Variants in SYNE2 observed in about 807,000 individuals in gnomAD.
SYNE2 encodes nesprin-2.
A neutral mutation model predicts 856.3 loss-of-function variants in SYNE2; 431 were observed. The ratio of observed to expected loss-of-function variants is 0.50; its 90% CI spans 0.47 to 0.55. The LOEUF is 0.55. Ranked by LOEUF, SYNE2 falls within the 20% of genes least tolerant of loss-of-function variation. The pLI is 0.00. For synonymous variants in SYNE2, 2,923 were observed against 2,872.3 expected (o/e 1.02, Z -0.56); for missense variants, 8,129 against 8,023.2 (o/e 1.01, Z -0.50).
intron 90 of SYNE2, among the ~76,000 whole-genome samples, chr14:64,165,651 T>C (rs1418254767): frequency 6.6e-6 from 1 of 152,158 alleles, no homozygotes; most frequent in African/African-American, 2.4e-5. Flanking sequence ...TAGCTGGGAC[T>C]ACAGACATGT....
At chr14:64,219,177 C>A (rs769896544) in intron 109 of SYNE2, 31 bp from the exon 110 acceptor site, 5 of 1,439,434 alleles carry the variant, frequency 3.5e-6, no homozygotes, top group Non-Finnish European at 4.7e-6. Context: ...TGCATTATTG[C>A]TTTTTTTAAT....
intron 11 of SYNE2, among the ~76,000 whole-genome samples, chr14:63,974,888 G>GTA (rs1370206967): frequency 7.2e-4 from 19 of 26,452 alleles, no homozygotes; most frequent in Middle Eastern, 0.023. Context: ...GTGTGTGTGT[G>GTA]TGTGTATATA....
At chr14:63,876,419 T>C (rs1415737802) in intron 1 of SYNE2, among the ~76,000 whole-genome samples, 1 of 151,396 alleles carries the variant, frequency 6.6e-6, no homozygotes, top group Non-Finnish European at 1.5e-5. Flanking sequence ...ACAAACAAAA[T>C]CTTATTTAAT....
At chr14:64,024,740 G>A (rs1189704724) in intron 39 of SYNE2, among the ~76,000 whole-genome samples, 172 bp from the exon 40 acceptor site, 7 of 152,072 alleles carry the variant, frequency 4.6e-5, no homozygotes, top group Non-Finnish European at 8.8e-5. Context: ...ATAGAACCCC[G>A]CTATCATACA....
intron 1 of SYNE2, among the ~76,000 whole-genome samples, chr14:63,838,156 G>A (rs953576994): frequency 6.6e-6 from 1 of 152,076 alleles, no homozygotes; most frequent in Admixed American, 6.6e-5. Flanking sequence ...GATCATCTGG[G>A]GTCAGGAGTT....
chr14:64,140,302 C>A (rs917369513), intron 80 of SYNE2, among the ~76,000 whole-genome samples: 4 of 152,016 alleles, frequency 2.6e-5, no homozygotes, highest in African/African-American at 9.7e-5. Flanking sequence ...TTAAAACTTG[C>A]GCCAGGTGCA....
At chr14:63,976,488 A>G in intron 11 of SYNE2, 75 bp from the exon 12 acceptor site, 1 of 1,492,848 alleles carries the variant, frequency 6.7e-7, no homozygotes, top group Non-Finnish European at 9.2e-7. Flanking sequence ...AAAGAATCAA[A>G]CATACTGTAT....
intron 1 of SYNE2, among the ~76,000 whole-genome samples, chr14:63,815,205 C>CATATATATATGGATATATATATAT (rs1316734811): frequency 2.1e-5 from 2 of 94,612 alleles, no homozygotes; most frequent in Admixed American, 1.3e-4. Flanking sequence ...TATATATATC[C>CATATATATATGGATATATATATAT]ATATATATAT....
At chr14:63,975,589 T>C (rs1445748872) in intron 11 of SYNE2, among the ~76,000 whole-genome samples, 1 of 152,174 alleles carries the variant, frequency 6.6e-6, no homozygotes, top group East Asian at 1.9e-4. Context: ...CTGCCTTGGC[T>C]TCTTGAGGTG....
At chr14:64,013,285 A>T (rs1460236478) in intron 32 of SYNE2, among the ~76,000 whole-genome samples, 2 of 151,814 alleles carry the variant, frequency 1.3e-5, no homozygotes, top group African/African-American at 4.8e-5. Context: ...AATTTAATTG[A>T]ACAAACATTT....
rs1449887359 is a variant in SYNE2, at chr14:63,980,689, T to C, written c.1605T>C (p.Leu535=). The C allele has an allele frequency of 6.2e-7, 1 of 1,607,368 alleles. No individual in the cohort carries two copies. The highest frequency in any genetic ancestry group is 1.7e-5 in the Admixed American group (1 of 59,976). The change falls in exon 15 of 116, where the codon CTT becomes CTC. Residue 535 remains leucine, a synonymous_variant. Coordinates refer to ENST00000555002, the MANE Select transcript of SYNE2 (RefSeq NM_182914.3). Reference sequence around the variant, plus strand: ...AAGAAAAAGAATTCCTAGCTCGACTTGATACTTCTTTTCAAAAATGTGGAG... The same window carrying C: ...AAGAAAAAGAATTCCTAGCTCGACTCGATACTTCTTTTCAAAAATGTGGAG... ...FIEEKEFLAR[L]DTSFQKCGEI... is the part of the protein sequence containing the mutation.
At chr14:64,133,217 GA>G (rs896504173) in intron 77 of SYNE2, among the ~76,000 whole-genome samples, 18 of 148,892 alleles carry the variant, frequency 1.2e-4, no homozygotes, top group African/African-American at 4.3e-4. Context: ...AAAAAAAAAA[GA>G]AAAAAGGAAG....
intron 94 of SYNE2, among the ~76,000 whole-genome samples, chr14:64,172,554 C>G (rs1456776735): frequency 1.3e-5 from 2 of 152,118 alleles, no homozygotes; most frequent in Admixed American, 1.3e-4. Flanking sequence ...GCCCTATAAA[C>G]CCAACCTCAG....
chr14:64,093,044 C>T (rs1040125318), intron 60 of SYNE2, among the ~76,000 whole-genome samples: 3 of 148,248 alleles, frequency 2.0e-5, no homozygotes, highest in African/African-American at 7.7e-5. Context: ...TATGTTAACA[C>T]GCCATAAAAT....
In SYNE2 at chr14:64,078,462, A is replaced by G; in HGVS notation, c.11023-4A>G. On this transcript the variant is annotated splice_polypyrimidine_tract_variant and splice_region_variant and intron_variant, in intron 54 of 115. Coordinates refer to ENST00000555002, the MANE Select transcript of SYNE2 (RefSeq NM_182914.3). ...AGCCAAATGCGTCTTTGTCTCTTTC[A>G]CAGATTAGCAATGAAGTCTTAAAAA... 6.2e-7 allele frequency: 1 copy of G among 1,613,848 alleles called. No individual in the cohort carries two copies. Among genetic ancestry groups the G allele is most frequent in the Non-Finnish European group, 8.5e-7 (1 of 1,179,876 alleles).
chr14:63,865,724 C>CCCCAA (rs1555352398), intron 1 of SYNE2, among the ~76,000 whole-genome samples: 8 of 95,410 alleles, frequency 8.4e-5, no homozygotes, highest in African/African-American at 1.7e-4. Flanking sequence ...ACCCCCCCCC[C>CCCCAA]AAAAAAAAAG....
rs1381361276 is a variant in SYNE2, at chr14:64,014,990, CACAT to C, written c.4729-1481_4729-1478del. 2.8e-4 allele frequency among the ~76,000 whole-genome samples: 38 copies of C among 135,730 alleles called. 1 individual carries two copies. The highest frequency in any genetic ancestry group is 8.9e-4 in the African/African-American group (31 of 34,952). The allele number at this position is 135,730 out of a possible 152,430, so 89.0% of individuals were successfully genotyped here. A position where few individuals can be genotyped will look rare whatever the true frequency, so the allele number is the denominator to read the frequency against. On this transcript the variant is annotated intron_variant, in intron 32 of 115. Transcript: ENST00000555002. ...ATATATATATACACACACACACACA[CACAT>C]ATATAAATATATATATGTGTATATA...
intron 1 of SYNE2, among the ~76,000 whole-genome samples, chr14:63,813,532 C>T (rs1317619571): frequency 2.0e-5 from 3 of 152,212 alleles, no homozygotes; most frequent in Admixed American, 6.5e-5. Flanking sequence ...TGGTGGCTCA[C>T]ACCTGTAATC....
chr14:63,857,502 C>A (rs1318236068), intron 1 of SYNE2, among the ~76,000 whole-genome samples: 1 of 152,128 alleles, frequency 6.6e-6, no homozygotes, highest in Non-Finnish European at 1.5e-5. Context: ...AGTAGAATGA[C>A]TAGATCCTAT....
Sources: gnomAD v4.1 joint callset for allele counts (sites outside exome capture counted in the v4.1 genomes callset) on GRCh38, gnomAD v4.1.1 for gene constraint, MANE v1.5 for transcripts, NCBI Gene and HGNC (gene_info 2026-07-23, HGNC 2026-07-21) for gene names.